Variants in CNTN5 observed in about 807,000 individuals in gnomAD.
CNTN5 encodes the protein contactin 5.
CNTN5 carries 77 observed loss-of-function variants against 129.1 expected under a neutral mutation model. The ratio of observed to expected loss-of-function variants is 0.60; its 90% CI spans 0.50 to 0.72. The LOEUF is 0.72. CNTN5 is among the 30% of genes least tolerant of loss of function. The pLI is 0.00. For synonymous variants in CNTN5, 509 were observed against 465.6 expected (o/e 1.09, Z -1.20); for missense variants, 1,478 against 1,328.8 (o/e 1.11, Z -1.75).
intron 1 of CNTN5, among the ~76,000 whole-genome samples, chr11:99,173,957 T>A (rs563995473): frequency 4.6e-4 from 70 of 152,154 alleles, no homozygotes; most frequent in African/African-American, 1.6e-3. Context: ...CTCAGTATTT[T>A]AACTATATTA....
intron 3 of CNTN5, among the ~76,000 whole-genome samples, chr11:99,757,871 T>A (rs550596858): frequency 1.3e-5 from 2 of 152,182 alleles, no homozygotes; most frequent in Admixed American, 1.3e-4. Context: ...AGAAATGATA[T>A]TTGTGAATTA....
At chr11:99,320,235 CCTT>C (rs1355697752) in intron 1 of CNTN5, among the ~76,000 whole-genome samples, 2 of 152,204 alleles carry the variant, frequency 1.3e-5, no homozygotes, top group Non-Finnish European at 2.9e-5. Flanking sequence ...GAGCAAGACT[CCTT>C]CTCAAATAAA....
intron 6 of CNTN5, among the ~76,000 whole-genome samples, chr11:99,895,389 T>C (rs747953478): frequency 2.0e-5 from 3 of 152,190 alleles, no homozygotes; most frequent in Non-Finnish European, 4.4e-5. Flanking sequence ...AGATATCTCC[T>C]CAAGAGACAG....
chr11:99,324,791 T>A (rs1865711247), intron 1 of CNTN5, among the ~76,000 whole-genome samples: 1 of 151,846 alleles, frequency 6.6e-6, no homozygotes, highest in Admixed American at 6.6e-5. Flanking sequence ...ACAGGCGCCC[T>A]CCACCACGCC....
At chr11:99,619,102 C>A (rs1006563104) in intron 3 of CNTN5, among the ~76,000 whole-genome samples, 1 of 151,976 alleles carries the variant, frequency 6.6e-6, no homozygotes, top group Non-Finnish European at 1.5e-5. Flanking sequence ...CAATAGAATG[C>A]TTTAGTTATA....
intron 17 of CNTN5, among the ~76,000 whole-genome samples, chr11:100,261,655 C>A (rs1339129797): frequency 6.6e-6 from 1 of 152,082 alleles, no homozygotes. Context: ...ACATGTAAAA[C>A]CATCTGATCT....
chr11:100,350,838 C>A lies in CNTN5; in HGVS notation c.3167C>A (p.Ala1056Asp). 6.3e-7 allele frequency: 1 copy of A among 1,593,222 alleles called. No individual in the cohort carries two copies. The highest frequency in any genetic ancestry group is 8.6e-7 in the Non-Finnish European group (1 of 1,167,916). The change falls in exon 24 of 25, where the codon GCT becomes GAT. Residue 1056 changes from alanine (A) to aspartate (D), a missense_variant. Coordinates refer to ENST00000524871, the MANE Select transcript of CNTN5 (RefSeq NM_014361.4). Reference protein sequence around the residue: ...RAYSEGGDGTASSQIRVPSYS... With the variant: ...RAYSEGGDGTDSSQIRVPSYS... ...TATAGTGAAGGAGGAGATGGAACAG[C>A]TAGTTCTCAAATTAGGGTACCATCA...
intron 2 of CNTN5, among the ~76,000 whole-genome samples, chr11:99,407,415 G>A (rs1942125675): frequency 7.0e-6 from 1 of 142,804 alleles, no homozygotes; most frequent in South Asian, 2.4e-4. Context: ...CTGTGGCTGA[G>A]CTGGTATCCA....
chr11:99,813,421 C>G (rs1477532789), intron 3 of CNTN5, among the ~76,000 whole-genome samples: 1 of 152,078 alleles, frequency 6.6e-6, no homozygotes, highest in Admixed American at 6.6e-5. Context: ...TAGAAGACAC[C>G]TTTCCATGAC....
chr11:100,280,538 T>A (rs1277976541), intron 18 of CNTN5, among the ~76,000 whole-genome samples: 1 of 152,080 alleles, frequency 6.6e-6, no homozygotes, highest in Non-Finnish European at 1.5e-5. Context: ...TGAAATATGT[T>A]TTTCTATCCC....
At chr11:100,214,061 A>G (rs1284892451) in intron 15 of CNTN5, among the ~76,000 whole-genome samples, 3 of 152,210 alleles carry the variant, frequency 2.0e-5, no homozygotes, top group African/African-American at 7.2e-5. Flanking sequence ...AAAAGATGAC[A>G]AATATGTATC....
chr11:99,310,657 T>G (rs1020868), intron 1 of CNTN5, among the ~76,000 whole-genome samples: 5 of 151,930 alleles, frequency 3.3e-5, no homozygotes, highest in African/African-American at 9.7e-5. Flanking sequence ...TTGAGAAGTA[T>G]TTTTGTGATA....
intron 9 of CNTN5, among the ~76,000 whole-genome samples, chr11:100,009,856 A>G (rs1301945611): frequency 2.6e-5 from 4 of 152,168 alleles, no homozygotes; most frequent in Non-Finnish European, 5.9e-5. Context: ...GAATATTAAG[A>G]GTAGAAGGAT....
At chr11:100,241,417 G>A (rs1430225919) in intron 16 of CNTN5, among the ~76,000 whole-genome samples, 1 of 152,168 alleles carries the variant, frequency 6.6e-6, no homozygotes, top group African/African-American at 2.4e-5. Flanking sequence ...TTCACCTGAA[G>A]TTTGTGATAA....
chr11:99,218,591 T>A (rs1860244625), intron 1 of CNTN5, among the ~76,000 whole-genome samples: 1 of 152,130 alleles, frequency 6.6e-6, no homozygotes, highest in Non-Finnish European at 1.5e-5. Flanking sequence ...TAAGCAGTTT[T>A]ATGCAATCAG....
Position 99,946,716 on chromosome 11 carries a change from A to G in CNTN5, c.674-10090A>G, listed in dbSNP as rs148540976. Among the ~76,000 whole-genome samples the G allele has an allele frequency of 7.6e-4, 116 of 152,198 alleles. 1 individual carries two copies. Among genetic ancestry groups the G allele is most frequent in the African/African-American group, 2.7e-3 (112 of 41,564 alleles). On this transcript the variant is annotated intron_variant, in intron 7 of 24. Coordinates refer to ENST00000524871, the MANE Select transcript of CNTN5 (RefSeq NM_014361.4). ...TGATAGAACATGAATGTTAGGTTCA[A>G]AACAGTGGCCACTCAATTACTTTAA...
At position 99,916,154 on chromosome 11, in the gene CNTN5, A is replaced by C. The variant is rs781196069; in HGVS notation, c.673+5A>C. 6.2e-7 allele frequency: 1 copy of C among 1,608,112 alleles called. No homozygotes were observed. The highest frequency in any genetic ancestry group is 8.5e-7 in the Non-Finnish European group (1 of 1,176,166). Reference sequence around the variant, plus strand: ...CTCCTCCGCCACATTCACCAGGTACAGTAGGATCTCATTCTTTGCTGCTGC... The same window carrying C: ...CTCCTCCGCCACATTCACCAGGTACCGTAGGATCTCATTCTTTGCTGCTGC... On this transcript the variant is annotated splice_donor_5th_base_variant and intron_variant, in intron 7 of 24. Coordinates refer to ENST00000524871, the MANE Select transcript of CNTN5 (RefSeq NM_014361.4).
intron 1 of CNTN5, among the ~76,000 whole-genome samples, chr11:99,085,485 T>C (rs1050502618): frequency 1.3e-5 from 2 of 152,186 alleles, no homozygotes; most frequent in African/African-American, 4.8e-5. Flanking sequence ...TACTTTTTGG[T>C]GCCTTGTAAG....
rs187801821 is a variant in CNTN5, at chr11:99,121,582, G to A, written c.-210+100312G>A. 1.8e-3 allele frequency among the ~76,000 whole-genome samples: 275 copies of A among 152,300 alleles called. 1 individual carries two copies. Among genetic ancestry groups the A allele is most frequent in the African/African-American group, 6.3e-3 (261 of 41,570 alleles). ...CAGTAAAGTTTTCTTAAAAAAGAGAGCTTGTAGAATGGGTTTGCCCACAAC... is the reference window on the plus strand; with the variant it reads ...CAGTAAAGTTTTCTTAAAAAAGAGAACTTGTAGAATGGGTTTGCCCACAAC... On this transcript the variant is annotated intron_variant, in intron 1 of 24. Coordinates refer to ENST00000524871, the MANE Select transcript of CNTN5 (RefSeq NM_014361.4).
Sources: allele counts gnomAD v4.1 joint callset (sites outside exome capture counted in the v4.1 genomes callset), GRCh38; gene constraint gnomAD v4.1.1; transcripts MANE v1.5; gene names NCBI Gene and HGNC (gene_info 2026-07-23, HGNC 2026-07-21).